The following APBA1 variants were observed in gnomAD, a reference collection of about 807,000 sequenced individuals.
The protein encoded by APBA1 is amyloid beta precursor protein binding family A member 1, also known as amyloid-beta A4 precursor protein-binding family A member 1.
Under a neutral mutation model 86.6 loss-of-function variants are expected in APBA1, and 55 were observed. That is an observed-to-expected ratio of 0.64 (90% CI 0.51 to 0.80). The LOEUF (loss-of-function observed/expected upper bound fraction) is 0.80. Among genes scored for constraint, APBA1 ranks in the 30% least tolerant of loss-of-function variants. The pLI is 0.00. For missense variants in APBA1, 1,090 were observed against 1,183.0 expected (o/e 0.92, Z 1.15); for synonymous variants, 511 against 493.9 (o/e 1.03, Z -0.46).
chr9:69,606,571 A>C (rs1488757504), intron 1 of APBA1, among the ~76,000 whole-genome samples: 3 of 136,248 alleles, frequency 2.2e-5, no homozygotes, highest in Non-Finnish European at 3.0e-5. Context: ...GGCTCACTGC[A>C]AGCTCTGCCT....
intron 1 of APBA1, among the ~76,000 whole-genome samples, chr9:69,661,983 T>A (rs775129276): frequency 1.3e-5 from 2 of 151,504 alleles, no homozygotes; most frequent in East Asian, 3.9e-4. Context: ...CCTCAGGTAC[T>A]CTGTTATAGC....
At position 69,593,240 on chromosome 9, in the gene APBA1, A is replaced by ATTTTTTTTT. The variant is rs1564086488; in HGVS notation, c.-69-75962_-69-75961insAAAAAAAAA. ...TCTTTCTTCTTATCAGAATATTTGG[A>ATTTTTTTTT]GGCTGATATAAATACACTTGTGCTT... On this transcript the variant is annotated intron_variant, in intron 1 of 12. Transcript: ENST00000265381. Among the ~76,000 whole-genome samples, 51 of 152,318 alleles carry ATTTTTTTTT rather than the reference A, an allele frequency of 3.3e-4. 1 individual carries two copies. The highest frequency in any genetic ancestry group is 1.2e-3 in the African/African-American group (50 of 41,568).
In APBA1 at chr9:69,440,932, C is replaced by G. The variant is rs147194642; in HGVS notation, c.2301+64G>C. On this transcript the variant is annotated intron_variant, in intron 11 of 12. Transcript: ENST00000265381. Reference sequence around the variant, plus strand: ...ATTTAGCCATCTTGGCTCCACCCCCCCAGCCATGCTACATTTTTATTTGTC... The same window carrying G: ...ATTTAGCCATCTTGGCTCCACCCCCGCAGCCATGCTACATTTTTATTTGTC... The G allele has an allele frequency of 3.4e-4, 533 of 1,577,074 alleles. 1 individual carries two copies. In the African/African-American group the frequency reaches 6.1e-3, roughly 18 times the overall value.
At chr9:69,648,715 T>C (rs1823437287) in intron 1 of APBA1, among the ~76,000 whole-genome samples, 1 of 152,150 alleles carries the variant, frequency 6.6e-6, no homozygotes, top group South Asian at 2.1e-4. Flanking sequence ...GGTTCCCTGC[T>C]CTATCCCTCA....
At chr9:69,652,248 A>G (rs1053088996) in intron 1 of APBA1, among the ~76,000 whole-genome samples, 1 of 152,342 alleles carries the variant, frequency 6.6e-6, no homozygotes, top group Non-Finnish European at 1.5e-5. Flanking sequence ...ATACCAGGTA[A>G]AGAAAGCTCC....
chr9:69,484,198 C>G (rs554269969), intron 2 of APBA1, among the ~76,000 whole-genome samples: 2 of 152,174 alleles, frequency 1.3e-5, no homozygotes, highest in African/African-American at 4.8e-5. Flanking sequence ...TTCTCAATTG[C>G]TCTAAATCTT....
chr9:69,526,412 A>G (rs1836343668), intron 1 of APBA1, among the ~76,000 whole-genome samples: 1 of 152,128 alleles, frequency 6.6e-6, no homozygotes, highest in Non-Finnish European at 1.5e-5. Context: ...CGAGGAAAAG[A>G]CATGAACAAA....
intron 12 of APBA1, 42 bp downstream of exon 12, chr9:69,432,494 A>C (rs1564026199): frequency 9.6e-6 from 14 of 1,450,964 alleles, no homozygotes; most frequent in African/African-American, 1.4e-5. Flanking sequence ...GGGGCACCAG[A>C]CGCGGCCCTC....
chr9:69,614,404 G>C (rs1317441493), intron 1 of APBA1, among the ~76,000 whole-genome samples: 1 of 152,164 alleles, frequency 6.6e-6, no homozygotes, highest in Non-Finnish European at 1.5e-5. Context: ...AGTGATGCTA[G>C]ACCTTCCTTA....
intron 1 of APBA1, among the ~76,000 whole-genome samples, chr9:69,641,845 TTTTA>T (rs1319194886): frequency 6.6e-6 from 1 of 152,186 alleles, no homozygotes; most frequent in Admixed American, 6.5e-5. Flanking sequence ...TCCTTTTATT[TTTTA>T]TTTATTTATT....
chr9:69,575,048 C>A (rs1306741972), intron 1 of APBA1, among the ~76,000 whole-genome samples: 1 of 152,096 alleles, frequency 6.6e-6, no homozygotes, highest in Non-Finnish European at 1.5e-5. Context: ...TCCCAAGTAG[C>A]TCAGACTACA....
intron 1 of APBA1, among the ~76,000 whole-genome samples, chr9:69,611,296 A>AC (rs1443991141): frequency 6.0e-5 from 9 of 151,012 alleles, no homozygotes; most frequent in East Asian, 5.8e-4. Context: ...AAAAAAAAAA[A>AC]AAAAAAAACA....
chr9:69,597,066 C>T (rs1260574303), intron 1 of APBA1, among the ~76,000 whole-genome samples: 2 of 152,212 alleles, frequency 1.3e-5, no homozygotes, highest in African/African-American at 4.8e-5. Flanking sequence ...GGGACTAATA[C>T]ATTACAGAAA....
At chr9:69,652,624 T>A (rs1197437014) in intron 1 of APBA1, among the ~76,000 whole-genome samples, 1 of 152,202 alleles carries the variant, frequency 6.6e-6, no homozygotes, top group East Asian at 1.9e-4. Flanking sequence ...TCCTTATCTG[T>A]CAATAATAAC....
At chr9:69,467,704 G>C in intron 5 of APBA1, 119 bp downstream of exon 5, 5 of 1,370,438 alleles carry the variant, frequency 3.6e-6, no homozygotes, top group Non-Finnish European at 5.0e-6. Context: ...CACTGCCTGT[G>C]TGATGTCATC....
chr9:69,555,078 C>T (rs1262961007), intron 1 of APBA1, among the ~76,000 whole-genome samples: 1 of 152,168 alleles, frequency 6.6e-6, no homozygotes, highest in Non-Finnish European at 1.5e-5. Context: ...GCATGGCAGA[C>T]AAGAGCATTG....
chr9:69,630,853 G>A (rs1823028554), intron 1 of APBA1, among the ~76,000 whole-genome samples: 1 of 152,180 alleles, frequency 6.6e-6, no homozygotes, highest in Admixed American at 6.5e-5. Context: ...TCATTCATCA[G>A]CCCTGATGGC....
intron 1 of APBA1, among the ~76,000 whole-genome samples, chr9:69,630,060 A>G (rs575688506): frequency 3.0e-5 from 1 of 33,398 alleles, no homozygotes; most frequent in South Asian, 3.3e-3. Context: ...AATATGTGCT[A>G]TATTAAAAAA....
intron 5 of APBA1, among the ~76,000 whole-genome samples, chr9:69,466,497 C>T (rs992951488): frequency 1.3e-5 from 2 of 152,160 alleles, no homozygotes; most frequent in African/African-American, 2.4e-5. Flanking sequence ...CAGAGGTGTT[C>T]GCATCTGCAG....
Sources: gnomAD v4.1 joint callset for allele counts (sites outside exome capture counted in the v4.1 genomes callset) on GRCh38, gnomAD v4.1.1 for gene constraint, MANE v1.5 for transcripts, NCBI Gene and HGNC (gene_info 2026-07-23, HGNC 2026-07-21) for gene names.